KANK3: variants seen among roughly 807,000 people sequenced by gnomAD.
KANK3 encodes the protein KN motif and ankyrin repeat domains 3.
Under a neutral mutation model 65.4 loss-of-function variants are expected in KANK3, and 61 were observed. That is an observed-to-expected ratio of 0.93 (90% CI 0.76 to 1.15). The LOEUF (loss-of-function observed/expected upper bound fraction) is 1.15, where lower values mean the gene tolerates loss of function less well. KANK3 is among the 50% of genes most tolerant of loss of function. The pLI is 0.00. For missense variants in KANK3, 1,187 were observed against 1,178.8 expected (o/e 1.01, Z -0.10); for synonymous variants, 586 against 543.3 (o/e 1.08, Z -1.09).
At chr19:8,335,887 G>A (rs1166114531) in intron 2 of KANK3, 95 bp from the exon 3 acceptor site, 3 of 825,232 alleles carry the variant, frequency 3.6e-6, no homozygotes, top group Non-Finnish European at 4.9e-6. Context: ...CCATGCCCAC[G>A]CTTCACACCT....
rs1269033482 is a variant in KANK3 at position 8,334,322 on chromosome 19, TC to T, written c.1424del (p.Gly475GlufsTer74). Reference protein sequence around the residue: ...KSLQFVGVLNGEYESSSSEDA... With the variant: ...KSLQFVGVLNXEYESSSSEDA... ...CACAGGAGGGGAAAGGCGCTCACTC[TC>T]CGTTGAGGACCCCAACAAACTGCAG... On this transcript the variant is annotated frameshift_variant, in exon 4 of 11. Coordinates refer to ENST00000330915, the MANE Select transcript of KANK3 (RefSeq NM_198471.3). LOFTEE classifies it high-confidence loss of function. The T allele has an allele frequency of 7.4e-6, 12 of 1,613,898 alleles. No homozygotes were observed. Among genetic ancestry groups the T allele is most frequent in the Non-Finnish European group, 1.0e-5 (12 of 1,179,988 alleles).
chr19:8,334,162 C>T (rs924994555), intron 4 of KANK3, 46 bp from the exon 5 acceptor site: 11 of 1,488,150 alleles, frequency 7.4e-6, no homozygotes, highest in Admixed American at 6.6e-5. Context: ...CCTGTGGGCT[C>T]GTTCTGGAGT....
At chr19:8,334,201 T>C in intron 4 of KANK3, 85 bp from the exon 5 acceptor site, 1 of 1,511,336 alleles carries the variant, frequency 6.6e-7, no homozygotes, top group South Asian at 1.3e-5. Context: ...CCGTTCCCAT[T>C]TAACGATGAG....
chr19:8,329,555 G>A (rs1475591107), intron 7 of KANK3, among the ~76,000 whole-genome samples: 1 of 146,636 alleles, frequency 6.8e-6, no homozygotes. Context: ...GCAATCTTGA[G>A]ATAAGGAGGA....
chr19:8,329,433 G>C (rs1970486290), intron 7 of KANK3, among the ~76,000 whole-genome samples: 1 of 139,116 alleles, frequency 7.2e-6, no homozygotes, highest in South Asian at 2.3e-4. Flanking sequence ...GTTGCAGTGA[G>C]CTGAGATCTG....
intron 7 of KANK3, among the ~76,000 whole-genome samples, chr19:8,326,415 C>T (rs574455809): frequency 1.3e-5 from 2 of 149,688 alleles, no homozygotes; most frequent in South Asian, 4.3e-4. Context: ...CAGTGAGACC[C>T]TGTCTCAAAC....
intron 7 of KANK3, among the ~76,000 whole-genome samples, chr19:8,331,336 C>T (rs1599645753): frequency 6.6e-6 from 1 of 152,072 alleles, no homozygotes; most frequent in African/African-American, 2.4e-5. Flanking sequence ...CATGAGATGC[C>T]CAAAAAATTC....
At chr19:8,334,287 C>T (rs1167595268) in intron 4 of KANK3, 33 bp downstream of exon 4, 1 of 1,612,378 alleles carries the variant, frequency 6.2e-7, no homozygotes, top group Admixed American at 1.7e-5. Flanking sequence ...TATGTCCCGG[C>T]AGAAGCTGCC....
chr19:8,332,121 A>T (rs1970536613), intron 7 of KANK3, among the ~76,000 whole-genome samples: 1 of 149,628 alleles, frequency 6.7e-6, no homozygotes, highest in African/African-American at 2.5e-5. Flanking sequence ...AGCCTCCCGA[A>T]TAGCTGGGAT....
intron 10 of KANK3, 111 bp downstream of exon 10, chr19:8,324,338 C>G: frequency 1.0e-6 from 1 of 968,266 alleles, no homozygotes; most frequent in Non-Finnish European, 1.6e-6. Flanking sequence ...TGGTTCTGCA[C>G]CCCTGGTGCC....
chr19:8,323,297 G>A (rs189463406), intron 10 of KANK3: 83 of 167,346 alleles, frequency 5.0e-4, no homozygotes, highest in African/African-American at 1.8e-3. Context: ...CTAACACGAA[G>A]CCTGTTTTAA....
chr19:8,338,132 C>G (rs1893127696), intron 1 of KANK3, among the ~76,000 whole-genome samples: 1 of 150,942 alleles, frequency 6.6e-6, no homozygotes, highest in Admixed American at 6.6e-5. Flanking sequence ...AGTGAATCTC[C>G]TGCCTCAGCC....
Position 8,328,098 on chromosome 19 carries a change from C to T in KANK3, c.1937-3002G>A, listed in dbSNP as rs75235634. Among the ~76,000 whole-genome samples the T allele has an allele frequency of 3.0e-4, 46 of 152,156 alleles. 1 individual carries two copies. In the East Asian group the frequency reaches 6.2e-3, roughly 20 times the overall value. ...TTCGAGAACAGCCTGGACAACAGAGCGAGACCTCATCTCTACTAAAAATAC... is the reference window on the plus strand; with the variant it reads ...TTCGAGAACAGCCTGGACAACAGAGTGAGACCTCATCTCTACTAAAAATAC... On this transcript the variant is annotated intron_variant, in intron 7 of 10. Transcript: ENST00000330915.
chr19:8,333,861 G>C lies in KANK3; in HGVS notation c.1634+49C>G, dbSNP rs1286883977. 2 of 1,550,186 alleles carry C rather than the reference G, an allele frequency of 1.3e-6. No individual in the cohort carries two copies. Among genetic ancestry groups the C allele is most frequent in the Non-Finnish European group, 8.7e-7 (1 of 1,148,110 alleles). On this transcript the variant is annotated intron_variant, in intron 5 of 10. Coordinates refer to ENST00000330915, the MANE Select transcript of KANK3 (RefSeq NM_198471.3). This position sits in a 1 kb window ranked among gnomAD's most constrained non-coding sequence, Gnocchi z 5.0. ...GATGGATCGGGGACAGCGCCGACCAGGAGGAGGGCAGCCGCCTCCTCTCCA... is the reference window on the plus strand; with the variant it reads ...GATGGATCGGGGACAGCGCCGACCACGAGGAGGGCAGCCGCCTCCTCTCCA...
chr19:8,333,951 C>T lies in KANK3; in HGVS notation c.1593G>A (p.Glu531=), dbSNP rs764965710. The part of the protein sequence containing the change: ...PPSGGDIRDP[E]PEAEAEPQQV... Reference sequence around the variant, plus strand: ...GCTGAGGCTCTGCCTCCGCCTCGGGCTCAGGGTCCCGGATGTCCCCGCCGC... The same window carrying T: ...GCTGAGGCTCTGCCTCCGCCTCGGGTTCAGGGTCCCGGATGTCCCCGCCGC... The change falls in exon 5 of 11, where the codon GAG becomes GAA. Residue 531 remains glutamate (E), a synonymous_variant. Transcript: ENST00000330915. The surrounding 1 kb of genome is among the most constrained non-coding windows in gnomAD (Gnocchi z 5.0). 2.2e-5 allele frequency: 35 copies of T among 1,569,400 alleles called. No homozygotes were observed. Among genetic ancestry groups the T allele is most frequent in the Middle Eastern group, 1.8e-4 (1 of 5,664 alleles).
Position 8,334,033 on chromosome 19 carries a change from G to A in KANK3, c.1511C>T (p.Ser504Leu). The A allele has an allele frequency of 6.5e-7, 1 of 1,549,544 alleles. No individual in the cohort carries two copies. The highest frequency in any genetic ancestry group is 8.7e-7 in the Non-Finnish European group (1 of 1,153,302). Residue 504 changes from serine (S) to leucine (L), a missense_variant, in exon 5 of 11, where the codon TCG (serine) becomes TTG (leucine). Ser to Leu is a moderately radical substitution (Grantham distance 145, BLOSUM62 -2). Coordinates refer to ENST00000330915, the MANE Select transcript of KANK3 (RefSeq NM_198471.3). The part of the protein sequence containing the change: ...NGGAEPPGSS[S>L]GSGDDSGGGS... Reference sequence around the variant, plus strand: ...CCCGCCGCTGTCATCCCCGGAGCCCGAGGAGCTACCCGGGGGCTCGGCGCC... The same window carrying A: ...CCCGCCGCTGTCATCCCCGGAGCCCAAGGAGCTACCCGGGGGCTCGGCGCC...
Position 8,336,210 on chromosome 19 carries a change from C to G in KANK3, c.35-418G>C, listed in dbSNP as rs181209806. On this transcript the variant is annotated intron_variant, in intron 2 of 10. Transcript: ENST00000330915. The stretch of plus-strand genomic sequence containing the variant: ...CAGCATTTTGGGAGGCCGGCACAGG[C>G]GGATCACCTGAGGTCAGGAGTTCCA... 9.2e-5 allele frequency among the ~76,000 whole-genome samples: 14 copies of G among 152,138 alleles called. No individual in the cohort carries two copies. The East Asian group carries it at 2.7e-3, about 29-fold the overall frequency.
In KANK3 at chr19:8,334,902, G is replaced by A. The variant is rs1490151045; in HGVS notation, c.925C>T (p.Pro309Ser). Residue 309 changes from proline to serine, a missense_variant, in exon 3 of 11, where the codon CCC becomes TCC. Pro to Ser is a moderately conservative substitution (Grantham distance 74). This residue lies in a region of KANK3 where 1,078 missense variants were observed against 1,038.2 expected (regional missense o/e 1.04). Transcript: ENST00000330915. ...TGGGCACCCGCTTCTCGGGTCTCGG[G>A]CACGGCCTCGGCGGCCACCTCCCGG... ...QTREVAAEAVPETREAGAQAV... is the reference protein window; with the variant it reads ...QTREVAAEAVSETREAGAQAV... The A allele has an allele frequency of 1.0e-5, 15 of 1,458,976 alleles. No homozygotes were observed. The highest frequency in any genetic ancestry group is 1.3e-5 in the Non-Finnish European group (15 of 1,115,342). The allele number at this position is 1,458,976 out of a possible 1,614,324, so 90.4% of individuals were successfully genotyped here.
chr19:8,335,585 G>C lies in KANK3; in HGVS notation c.242C>G (p.Ala81Gly). The change falls in exon 3 of 11, where the codon GCG becomes GGG. Residue 81 changes from alanine (A) to glycine (G), a missense_variant. Ala to Gly is a moderately conservative substitution (Grantham distance 60). Coordinates refer to ENST00000330915, the MANE Select transcript of KANK3 (RefSeq NM_198471.3). The part of the protein sequence containing the change: ...RRPRAPRPGL[A>G]GARSPGAWTS... ...CCAGGCGCCTGGGCTACGTGCGCCCGCGAGGCCGGGCCGGGGCGCGCGGGG... is the reference window on the plus strand; with the variant it reads ...CCAGGCGCCTGGGCTACGTGCGCCCCCGAGGCCGGGCCGGGGCGCGCGGGG... 1 of 1,222,632 alleles carries C rather than the reference G, an allele frequency of 8.2e-7. No homozygotes were observed. 75.7% of individuals were successfully genotyped at this position (1,222,632 alleles called of 1,614,324 possible).
Sources: gnomAD v4.1 joint callset for allele counts (sites outside exome capture counted in the v4.1 genomes callset) on GRCh38, gnomAD v4.1.1 for gene constraint, gnomAD v4.1.1 regional missense constraint, Gnocchi (gnomAD v3.1) non-coding constraint, MANE v1.5 for transcripts, NCBI Gene and HGNC (gene_info 2026-07-23, HGNC 2026-07-21) for gene names.